The following LMAN1L variants were observed in gnomAD, a reference collection of about 807,000 sequenced individuals.
LMAN1L encodes protein ERGIC-53-like.
In LMAN1L, 60 loss-of-function variants were observed where a neutral mutation model predicts 58.3. That is an observed-to-expected ratio of 1.03 (90% CI 0.84 to 1.27). The LOEUF is 1.27. LMAN1L is among the 50% of genes most tolerant of loss of function. LMAN1L has a pLI of 0.00. For missense variants in LMAN1L, 629 were observed against 674.0 expected (o/e 0.93, Z 0.74); for synonymous variants, 280 against 271.6 (o/e 1.03, Z -0.31).
chr15:74,822,304 A>C (rs573389443), intron 10 of LMAN1L, among the ~76,000 whole-genome samples: 89 of 152,270 alleles, frequency 5.8e-4, no homozygotes, highest in African/African-American at 2.1e-3. Flanking sequence ...AGGCAGAGGT[A>C]GCAGTGAGCT....
rs1260091377 is a variant in LMAN1L, at chr15:74,821,106, G to A, written c.939G>A (p.Leu313=). Residue 313 remains leucine, a synonymous_variant, in exon 9 of 14, where the codon CTG becomes CTA. Transcript: ENST00000309664. The part of the protein sequence containing the change: ...GERLFDLEET[L]GRHRRILQAL... ...GGCTCTTTGACCTGGAGGAGACGCT[G>A]GGCAGACACCGCCGGATCCTGCAGG... The A allele has an allele frequency of 1.9e-6, 3 of 1,573,296 alleles. No homozygotes were observed. Among genetic ancestry groups the A allele is most frequent in the South Asian group, 2.3e-5 (2 of 85,664 alleles).
Position 74,825,510 on chromosome 15 carries a change from T to C in LMAN1L, c.1486T>C (p.Ser496Pro). Residue 496 changes from serine (S) to proline (P), a missense_variant, in exon 14 of 14, where the codon TCC (serine) becomes CCC (proline). By Grantham distance (74) the Ser-to-Pro change is moderately conservative. Around this residue, in one of 3 missense-constraint regions of LMAN1L, gnomAD observed 53 missense variants for 59.7 expected, o/e 0.89. Coordinates refer to ENST00000309664, the MANE Select transcript of LMAN1L (RefSeq NM_021819.3). ...ELNKSLQECL[S>P]TGSLPLGPAP... ...GAACAAGAGCCTTCAGGAGTGTCTG[T>C]CCACAGGCAGCCTTCCTCTGGGTCC... 1 of 1,613,624 alleles carries C rather than the reference T, an allele frequency of 6.2e-7. No individual in the cohort carries two copies. Among genetic ancestry groups the C allele is most frequent in the Non-Finnish European group, 8.5e-7 (1 of 1,179,672 alleles).
rs542370438 is a variant in LMAN1L at position 74,819,311 on chromosome 15, T to C, written c.718+39T>C. 2.5e-6 allele frequency: 4 copies of C among 1,605,360 alleles called. No individual in the cohort carries two copies. In the East Asian group the frequency reaches 6.7e-5, roughly 27 times the overall value. On this transcript the variant is annotated intron_variant, in intron 6 of 13. Transcript: ENST00000309664. ...TGGACAGGTAAGAGCAGAAGGGCAG[T>C]GATGAATAAATCACCCTCAGCACAC...
chr15:74,814,478 A>T (rs2063881538), intron 1 of LMAN1L, among the ~76,000 whole-genome samples: 1 of 147,018 alleles, frequency 6.8e-6, no homozygotes, highest in African/African-American at 2.5e-5. Flanking sequence ...GGTTCATGCC[A>T]TTCTCCTGCC....
intron 1 of LMAN1L, chr15:74,813,241 C>A: frequency 1.5e-6 from 1 of 661,486 alleles, no homozygotes. Flanking sequence ...TGTTTCTCCT[C>A]TGCCTCTCTG....
At chr15:74,818,618 C>A in intron 4 of LMAN1L, 100 bp from the exon 5 acceptor site, 1 of 850,416 alleles carries the variant, frequency 1.2e-6, no homozygotes, top group Admixed American at 2.1e-5. Context: ...CACTTGAGCC[C>A]AGCAGGCAGA....
intron 1 of LMAN1L, among the ~76,000 whole-genome samples, chr15:74,815,502 T>A (rs2063886548): frequency 6.6e-6 from 1 of 152,190 alleles, no homozygotes; most frequent in African/African-American, 2.4e-5. Context: ...CAGTGGCAAT[T>A]CTCACACACA....
rs1016802669 is a variant in LMAN1L at position 74,819,989 on chromosome 15, C to T, written c.719-55C>T. The T allele has an allele frequency of 1.2e-5, 18 of 1,527,634 alleles. No homozygotes were observed. In the East Asian group the frequency reaches 1.8e-4, roughly 15 times the overall value. 94.6% of individuals were successfully genotyped at this position (1,527,634 alleles called of 1,614,324 possible). A position where few individuals can be genotyped will look rare whatever the true frequency, so the allele number is the denominator to read the frequency against. On this transcript the variant is annotated intron_variant, in intron 6 of 13. Transcript: ENST00000309664. ...CATGGCGGTTAGGGTGAAGGCTGAG[C>T]GAGGGGGTTGCTGGGTGGAGGGGTC... is the stretch of plus-strand genomic sequence containing the variant.
chr15:74,816,801 C>T, intron 4 of LMAN1L, 111 bp downstream of exon 4: 1 of 1,047,460 alleles, frequency 9.5e-7, no homozygotes, highest in Non-Finnish European at 1.4e-6. Flanking sequence ...CCCACCCTGC[C>T]GGGCCGCCAT....
At chr15:74,824,975 C>T (rs538712691) in intron 13 of LMAN1L, 23 of 159,124 alleles carry the variant, frequency 1.4e-4, no homozygotes, top group Admixed American at 6.1e-4. Flanking sequence ...AATGTTGGAG[C>T]AAAGGGCAGG....
rs780636644 is a variant in LMAN1L, at chr15:74,816,216, G to A, written c.235G>A (p.Ala79Thr). 3.2e-6 allele frequency: 5 copies of A among 1,575,776 alleles called. No individual in the cohort carries two copies. The highest frequency in any genetic ancestry group is 2.3e-5 in the East Asian group (1 of 42,590). The change falls in exon 2 of 14, where the codon GCC becomes ACC. Residue 79 changes from alanine to threonine, a missense_variant. This residue lies in a region of LMAN1L where 573 missense variants were observed against 597.3 expected (regional missense o/e 0.96). Coordinates refer to ENST00000309664, the MANE Select transcript of LMAN1L (RefSeq NM_021819.3). ...LTPSMRNRSGAVWSRASVPFS... is the reference protein window; with the variant it reads ...LTPSMRNRSGTVWSRASVPFS... Reference sequence around the variant, plus strand: ...GCCATCCATGAGGAACCGGAGTGGCGCCGTGTGGAGCAGGGCCTCTGTCCC... The same window carrying A: ...GCCATCCATGAGGAACCGGAGTGGCACCGTGTGGAGCAGGGCCTCTGTCCC...
intron 4 of LMAN1L, among the ~76,000 whole-genome samples, chr15:74,818,108 G>A (rs1329885648): frequency 6.6e-6 from 1 of 152,024 alleles, no homozygotes; most frequent in Non-Finnish European, 1.5e-5. Context: ...GGCAGAAACT[G>A]TATTGTTGGT....
chr15:74,820,190 C>A, intron 7 of LMAN1L, 91 bp downstream of exon 7: 1 of 1,148,548 alleles, frequency 8.7e-7, no homozygotes, highest in Non-Finnish European at 1.3e-6. Flanking sequence ...CATTCCAGCC[C>A]TTACCTCCAC....
At chr15:74,813,578 C>A in intron 1 of LMAN1L, 1 of 411,090 alleles carries the variant, frequency 2.4e-6, no homozygotes, top group Non-Finnish European at 4.9e-6. Context: ...CTTCCAAACC[C>A]AGACCTACAA....
intron 1 of LMAN1L, among the ~76,000 whole-genome samples, chr15:74,813,687 G>A (rs933300077): frequency 1.3e-5 from 2 of 152,244 alleles, no homozygotes; most frequent in Non-Finnish European, 2.9e-5. Flanking sequence ...TTAGAGTGGA[G>A]CGTGAAATAG....
At position 74,819,229 on chromosome 15, in the gene LMAN1L, T is replaced by C. The variant is rs1298537630; in HGVS notation, c.675T>C (p.Pro225=). 9 of 1,614,164 alleles carry C rather than the reference T, an allele frequency of 5.6e-6. No individual in the cohort carries two copies. The highest frequency in any genetic ancestry group is 7.6e-6 in the Non-Finnish European group (9 of 1,180,010). Residue 225 remains proline, a synonymous_variant, in exon 6 of 14, where the codon CCT becomes CCC. Coordinates refer to ENST00000309664, the MANE Select transcript of LMAN1L (RefSeq NM_021819.3). ...ATGTGGGGCCCCTGCTTTTGGTCCC[T>C]GGAGGTTTCTTTGGGGTCTCAGCAG... ...CVDVGPLLLV[P]GGFFGVSAAT... is the part of the protein sequence containing the mutation.
At chr15:74,820,600 G>A (rs1256582606) in intron 7 of LMAN1L, 35 bp from the exon 8 acceptor site, 5 of 1,612,206 alleles carry the variant, frequency 3.1e-6, no homozygotes, top group Non-Finnish European at 4.2e-6. Context: ...ATCTCCCATG[G>A]GTTTGGGGCC....
rs1313548601 is a variant in LMAN1L at position 74,820,662 on chromosome 15, C to A, written c.802C>A (p.Gln268Lys). Reference sequence around the variant, plus strand: ...TCCCCCTCAGCCCTTCCTGGAGATGCAGCAGCTCCGCCTGGCGAGGCAGCT... The same window carrying A: ...TCCCCCTCAGCCCTTCCTGGAGATGAAGCAGCTCCGCCTGGCGAGGCAGCT... The part of the protein sequence containing the change: ...EVPPQPFLEM[Q>K]QLRLARQLEG... Residue 268 changes from glutamine (Q) to lysine (K), a missense_variant, in exon 8 of 14, where the codon CAG becomes AAG. Gln to Lys is a moderately conservative substitution (Grantham distance 53, BLOSUM62 1). Transcript: ENST00000309664. 1.2e-6 allele frequency: 2 copies of A among 1,614,034 alleles called. No homozygotes were observed. Among genetic ancestry groups the A allele is most frequent in the South Asian group, 1.1e-5 (1 of 91,086 alleles).
At chr15:74,819,412 T>C (rs2063907199) in intron 6 of LMAN1L, 140 bp downstream of exon 6, 3 of 1,117,800 alleles carry the variant, frequency 2.7e-6, no homozygotes, top group African/African-American at 3.1e-5. Context: ...GGAGAAGTCA[T>C]GTCTGCCTTG....
Sources: gnomAD v4.1 joint callset for allele counts (sites outside exome capture counted in the v4.1 genomes callset) on GRCh38, gnomAD v4.1.1 for gene constraint, gnomAD v4.1.1 regional missense constraint, MANE v1.5 for transcripts, NCBI Gene and HGNC (gene_info 2026-07-23, HGNC 2026-07-21) for gene names.